The following DPP8 variants were observed in gnomAD, a reference collection of about 807,000 sequenced individuals.
DPP8 encodes the protein DPP VIII.
A neutral mutation model predicts 107.5 loss-of-function variants in DPP8; 31 were observed. That is an observed-to-expected ratio of 0.29 (90% CI 0.22 to 0.39). DPP8 has a LOEUF of 0.39. DPP8 is among the 10% of genes least tolerant of loss of function. The pLI is 1.00. For synonymous variants in DPP8, 381 were observed against 356.6 expected, an observed-to-expected ratio of 1.07 and a Z score of -0.77; for missense variants, 842 against 1,076.1, an observed-to-expected ratio of 0.78 and a Z score of 3.04.
Position 65,454,342 on chromosome 15 carries a change from T to C in DPP8, c.2192A>G (p.Asp731Gly). 6.2e-7 allele frequency: 1 copy of C among 1,605,546 alleles called. No homozygotes were observed. Among genetic ancestry groups the C allele is most frequent in the Non-Finnish European group, 8.5e-7 (1 of 1,177,176 alleles). The stretch of plus-strand genomic sequence containing the variant: ...GGACCAGCCGTGGATGCCCACACGA[T>C]CTAAGTCAATGAAATCATATCGAGA... ...LASRYDFIDLDRVGIHGWSYG... is the reference protein window; with the variant it reads ...LASRYDFIDLGRVGIHGWSYG... Residue 731 changes from aspartate (D) to glycine (G), a missense_variant, in exon 17 of 20, where the codon GAT (aspartate) becomes GGT (glycine). Physicochemically the swap from Asp to Gly is moderately conservative, Grantham distance 94 (BLOSUM62 -1). Transcript: ENST00000300141.
At position 65,446,503 on chromosome 15, in the gene DPP8, T is replaced by C. The variant is rs2063502367; in HGVS notation, c.*381A>G. On this transcript the variant is annotated 3_prime_UTR_variant, in exon 20 of 20. Transcript: ENST00000300141. ...TGAACCAAACCAATCACTAATATCA[T>C]CATATTTTAACAAACTCAAAAGTAT... 6.5e-6 allele frequency: 1 copy of C among 152,974 alleles called. No individual in the cohort carries two copies. The highest frequency in any genetic ancestry group is 1.5e-5 in the Non-Finnish European group (1 of 68,368). 9.5% of individuals were successfully genotyped at this position (152,974 alleles called of 1,614,324 possible).
chr15:65,490,369 A>G, intron 5 of DPP8, 70 bp from the exon 6 acceptor site: 1 of 966,846 alleles, frequency 1.0e-6, no homozygotes, highest in East Asian at 2.4e-5. Context: ...AAAATGATTC[A>G]GTTTATTTGG....
intron 19 of DPP8, among the ~76,000 whole-genome samples, chr15:65,448,737 A>G (rs2063679528): frequency 7.9e-6 from 1 of 127,018 alleles, no homozygotes; most frequent in East Asian, 2.0e-4. Flanking sequence ...ATATACATAT[A>G]TATCTAAAAT....
At chr15:65,511,706 C>T (rs1471418846) in intron 2 of DPP8, among the ~76,000 whole-genome samples, 1 of 145,508 alleles carries the variant, frequency 6.9e-6, no homozygotes, top group Admixed American at 7.1e-5. Flanking sequence ...TATCTCCATA[C>T]ACACATACAT....
intron 1 of DPP8, among the ~76,000 whole-genome samples, chr15:65,513,511 G>A (rs906642349): frequency 2.6e-5 from 4 of 152,114 alleles, no homozygotes; most frequent in South Asian, 2.1e-4. Context: ...CGCGCCCAGC[G>A]TGGTGACTCT....
Position 65,446,329 on chromosome 15 carries a change from C to T in DPP8, c.*555G>A, listed in dbSNP as rs1190856379. The T allele has an allele frequency of 1.3e-5, 2 of 152,268 alleles. No individual in the cohort carries two copies. The highest frequency in any genetic ancestry group is 6.6e-5 in the Admixed American group (1 of 15,182). The allele number at this position is 152,268 out of a possible 1,614,324, so 9.4% of individuals were successfully genotyped here. On this transcript the variant is annotated 3_prime_UTR_variant, in exon 20 of 20. Coordinates refer to ENST00000300141, the MANE Select transcript of DPP8 (RefSeq NM_130434.5). Reference sequence around the variant, plus strand: ...TGTCTTTAGGAGGCCACTAAGTTATCCTTGAAAAATTATTAATGAATGACT... The same window carrying T: ...TGTCTTTAGGAGGCCACTAAGTTATTCTTGAAAAATTATTAATGAATGACT...
intron 2 of DPP8, among the ~76,000 whole-genome samples, chr15:65,511,280 G>C (rs536826060): frequency 1.3e-5 from 2 of 151,626 alleles, no homozygotes; most frequent in Non-Finnish European, 2.9e-5. Flanking sequence ...TGTTAAAAAA[G>C]AAAGAATCCT....
intron 14 of DPP8, among the ~76,000 whole-genome samples, chr15:65,465,252 C>T (rs1348160498): frequency 1.3e-5 from 2 of 150,424 alleles, no homozygotes; most frequent in South Asian, 4.2e-4. Context: ...ACTGCAACCT[C>T]CATCTCCCAG....
chr15:65,515,333 C>T (rs533922746), intron 1 of DPP8, among the ~76,000 whole-genome samples: 1 of 152,294 alleles, frequency 6.6e-6, no homozygotes, highest in East Asian at 1.9e-4. Context: ...GCCCTGGACA[C>T]TCTATGCATA....
At chr15:65,498,241 G>C (rs535824684) in intron 4 of DPP8, among the ~76,000 whole-genome samples, 19 of 152,278 alleles carry the variant, frequency 1.2e-4, no homozygotes, top group African/African-American at 4.1e-4. Flanking sequence ...GACCAACATA[G>C]TGAAACCCCA....
At position 65,474,126 on chromosome 15, in the gene DPP8, A is replaced by G. The variant is rs1009873104; in HGVS notation, c.1536+83T>C. The G allele has an allele frequency of 4.2e-5, 43 of 1,036,116 alleles. No homozygotes were observed. The African/African-American group carries it at 6.0e-4, about 14-fold the overall frequency. 64.2% of individuals were successfully genotyped at this position (1,036,116 alleles called of 1,614,324 possible). The stretch of plus-strand genomic sequence containing the variant: ...TCTCGGAAAAAAAAATACCGGGGTC[A>G]TATTAAATTACATTACTCATTTTTA... On this transcript the variant is annotated intron_variant, in intron 12 of 19. Transcript: ENST00000300141.
At chr15:65,511,128 T>C (rs1403414434) in intron 2 of DPP8, among the ~76,000 whole-genome samples, 1 of 152,200 alleles carries the variant, frequency 6.6e-6, no homozygotes, top group Admixed American at 6.6e-5. Context: ...TACAGATATA[T>C]TCATACATGT....
intron 17 of DPP8, among the ~76,000 whole-genome samples, chr15:65,454,002 A>G (rs1384612923): frequency 2.0e-5 from 3 of 151,936 alleles, no homozygotes; most frequent in Admixed American, 6.6e-5. Context: ...TTGTAATCCC[A>G]GCTACTCAGG....
intron 10 of DPP8, among the ~76,000 whole-genome samples, chr15:65,479,358 G>C (rs543015757): frequency 1.3e-5 from 2 of 152,158 alleles, no homozygotes; most frequent in South Asian, 4.1e-4. Flanking sequence ...TATAAATCTT[G>C]TTACAGAAAG....
At chr15:65,499,157 T>C (rs2068929823) in intron 4 of DPP8, among the ~76,000 whole-genome samples, 1 of 151,456 alleles carries the variant, frequency 6.6e-6, no homozygotes, top group Non-Finnish European at 1.5e-5. Context: ...CAAAAAATTG[T>C]CTTTTGATAA....
chr15:65,497,091 CG>C (rs2068683340), intron 5 of DPP8, among the ~76,000 whole-genome samples: 1 of 151,934 alleles, frequency 6.6e-6, no homozygotes, highest in Non-Finnish European at 1.5e-5. Flanking sequence ...GGTTTCATCA[CG>C]TTGGCCAGAC....
At chr15:65,456,190 T>A (rs1294846821) in intron 16 of DPP8, 35 bp downstream of exon 16, 1 of 1,595,766 alleles carries the variant, frequency 6.3e-7, no homozygotes, top group Admixed American at 1.8e-5. Flanking sequence ...AAAATGTAAA[T>A]GTCTGTAAAA....
intron 15 of DPP8, chr15:65,458,753 A>G (rs1415981766): frequency 1.3e-5 from 2 of 152,208 alleles, no homozygotes; most frequent in African/African-American, 2.4e-5. Context: ...CTGTTTCAAC[A>G]TATTTCCACT....
At chr15:65,454,214 G>GA in intron 17 of DPP8, 49 bp downstream of exon 17, 1 of 1,342,058 alleles carries the variant, frequency 7.5e-7, no homozygotes, top group Non-Finnish European at 9.8e-7. Context: ...TCCATTTACA[G>GA]AAAAATCTAC....
Sources: gnomAD v4.1 joint callset for allele counts (sites outside exome capture counted in the v4.1 genomes callset) on GRCh38, gnomAD v4.1.1 for gene constraint, MANE v1.5 for transcripts, NCBI Gene and HGNC (gene_info 2026-07-23, HGNC 2026-07-21) for gene names.